PCDHGB4: variants seen among roughly 807,000 people sequenced by gnomAD.
PCDHGB4 encodes protocadherin gamma subfamily B, 4, also known as protocadherin gamma-B4.
PCDHGB4 carries 38 observed loss-of-function variants against 60.5 expected under a neutral mutation model. The ratio of observed to expected loss-of-function variants is 0.63; its 90% CI spans 0.48 to 0.82. The LOEUF (loss-of-function observed/expected upper bound fraction) is 0.82, where lower values mean the gene tolerates loss of function less well. Among genes scored for constraint, PCDHGB4 ranks in the 40% least tolerant of loss-of-function variants. The pLI, the probability that PCDHGB4 is intolerant of heterozygous loss-of-function variation, is 0.00. For synonymous variants in PCDHGB4, 456 were observed against 509.7 expected, an observed-to-expected ratio of 0.89 and a Z score of 1.42; for missense variants, 1,109 against 1,209.6, an observed-to-expected ratio of 0.92 and a Z score of 1.23.
chr5:141,483,501 G>T (rs1022338958), intron 1 of PCDHGB4, among the ~76,000 whole-genome samples: 1 of 150,394 alleles, frequency 6.6e-6, no homozygotes, highest in Non-Finnish European at 1.5e-5. Flanking sequence ...ATGAGTCAAG[G>T]CTGATCCCCC....
intron 1 of PCDHGB4, chr5:141,478,644 T>C (rs1217932733): frequency 6.4e-7 from 1 of 1,552,238 alleles, no homozygotes. Flanking sequence ...GATGAAGATG[T>C]TTTCCTGGTG....
intron 1 of PCDHGB4, among the ~76,000 whole-genome samples, chr5:141,492,170 C>A (rs1383768075): frequency 6.6e-6 from 1 of 152,226 alleles, no homozygotes; most frequent in Non-Finnish European, 1.5e-5. Context: ...ATCCCCGCAT[C>A]ACCCAACCGC....
chr5:141,403,049 T>C (rs368917303), intron 1 of PCDHGB4: 2 of 1,613,938 alleles, frequency 1.2e-6, no homozygotes, highest in Non-Finnish European at 1.7e-6. Flanking sequence ...TCAGATTCGC[T>C]ACTCAGTGCC....
chr5:141,458,702 T>G (rs1333580253), intron 1 of PCDHGB4, among the ~76,000 whole-genome samples: 1 of 152,102 alleles, frequency 6.6e-6, no homozygotes, highest in East Asian at 1.9e-4. Context: ...CCCGAGTAGC[T>G]GGGATTACAG....
At chr5:141,410,849 C>CTTTTTCT (rs2095432763) in intron 1 of PCDHGB4, 1 of 129,786 alleles carries the variant, frequency 7.7e-6, no homozygotes, top group Non-Finnish European at 1.3e-5. Flanking sequence ...TTGTCTTTGT[C>CTTTTTCT]TTTTTTTTTT....
At position 141,389,833 on chromosome 5, in the gene PCDHGB4, C is replaced by T. The variant is rs1561628239; in HGVS notation, c.1949C>T (p.Pro650Leu). 6.2e-7 allele frequency: 1 copy of T among 1,613,996 alleles called. No homozygotes were observed. The highest frequency in any genetic ancestry group is 2.2e-5 in the East Asian group (1 of 44,876). Residue 650 changes from proline (P) to leucine (L), a missense_variant, in exon 1 of 4, where the codon CCA (proline) becomes CTA (leucine). By Grantham distance (98) the Pro-to-Leu change is moderately conservative (BLOSUM62 -3). Around this residue, in one of 2 missense-constraint regions of PCDHGB4, gnomAD observed 1,068 missense variants for 1,089.9 expected, o/e 0.98. Coordinates refer to ENST00000519479, the MANE Select transcript of PCDHGB4 (RefSeq NM_003736.4). ...LLVAVRDGGQPPLSATATLHL... is the reference protein window; with the variant it reads ...LLVAVRDGGQLPLSATATLHL... ...GTCGCCGTGCGTGACGGTGGACAGC[C>T]ACCACTCTCGGCCACTGCCACGTTG... is the stretch of plus-strand genomic sequence containing the variant.
chr5:141,475,928 G>A, intron 1 of PCDHGB4: 1 of 630,590 alleles, frequency 1.6e-6, no homozygotes, highest in Non-Finnish European at 2.7e-6. Context: ...TGGAGATCGG[G>A]CCCCTGCCCG....
rs1182148013 is a variant in PCDHGB4 at position 141,431,510 on chromosome 5, G to A, written c.2397+41229G>A. 2 of 1,613,904 alleles carry A rather than the reference G, an allele frequency of 1.2e-6. No individual in the cohort carries two copies. Among genetic ancestry groups the A allele is most frequent in the Admixed American group, 1.7e-5 (1 of 60,016 alleles). Reference sequence around the variant, plus strand: ...TGCTCAGCCCGAGTACCGCGCGAGCGTTCCGGAGAATCTGGCCTTGGGCAC... The same window carrying A: ...TGCTCAGCCCGAGTACCGCGCGAGCATTCCGGAGAATCTGGCCTTGGGCAC... On this transcript the variant is annotated intron_variant, in intron 1 of 3. Coordinates refer to ENST00000519479, the MANE Select transcript of PCDHGB4 (RefSeq NM_003736.4). The surrounding 1 kb of genome is among the most constrained non-coding windows in gnomAD (Gnocchi z 4.8).
intron 1 of PCDHGB4, among the ~76,000 whole-genome samples, chr5:141,451,830 G>A (rs940668278): frequency 6.6e-5 from 10 of 151,238 alleles, no homozygotes; most frequent in East Asian, 1.9e-4. Flanking sequence ...ACAGTGAGCC[G>A]AGATCACACC....
chr5:141,393,214 A>G, intron 1 of PCDHGB4: 1 of 1,613,636 alleles, frequency 6.2e-7, no homozygotes, highest in East Asian at 2.2e-5. Flanking sequence ...CCAAAATTCC[A>G]GGTCGAAGAT....
chr5:141,414,161 G>A (rs960511656), intron 1 of PCDHGB4: 1 of 1,603,276 alleles, frequency 6.2e-7, no homozygotes, highest in Non-Finnish European at 8.5e-7. Flanking sequence ...GAAGATGGAG[G>A]AGCATATCTT....
At chr5:141,435,306 T>C (rs2154556603) in intron 1 of PCDHGB4, among the ~76,000 whole-genome samples, 1 of 152,358 alleles carries the variant, frequency 6.6e-6, no homozygotes, top group East Asian at 1.9e-4. Flanking sequence ...TGGTTTTAAA[T>C]CATTCATGAA....
chr5:141,433,277 T>G, intron 1 of PCDHGB4: 1 of 1,231,982 alleles, frequency 8.1e-7, no homozygotes. Flanking sequence ...CACTGCAGCC[T>G]CAAACTCCTA....
chr5:141,454,088 T>C (rs2154564493), intron 1 of PCDHGB4, among the ~76,000 whole-genome samples: 1 of 152,342 alleles, frequency 6.6e-6, no homozygotes. Context: ...CAGTGAAATT[T>C]GAATTGAACA....
chr5:141,413,207 C>CA lies in PCDHGB4; in HGVS notation c.2397+22929dup, dbSNP rs753988593. On this transcript the variant is annotated intron_variant, in intron 1 of 3. Transcript: ENST00000519479. The stretch of plus-strand genomic sequence containing the variant: ...GCTCAAAGGAATCGCTCAAAGGAAT[C>CA]AAAGGATTGCAGCGGGCTGGTCCTG... The CA allele has an allele frequency of 1.7e-5, 27 of 1,612,874 alleles. No homozygotes were observed. In the East Asian group the frequency reaches 6.0e-4, roughly 36 times the overall value.
rs775380177 is a variant in PCDHGB4, at chr5:141,422,666, C to T, written c.2397+32385C>T. The T allele has an allele frequency of 3.1e-6, 5 of 1,608,026 alleles. No individual in the cohort carries two copies. In the South Asian group the frequency reaches 3.3e-5, roughly 11 times the overall value. ...ATCTTCTCAGTGACCGCCCTCGACC[C>T]GGACAGCAAACAGAATGCCCTGGTC... On this transcript the variant is annotated intron_variant, in intron 1 of 3. Transcript: ENST00000519479.
In PCDHGB4 at chr5:141,487,747, CTA is replaced by C. The variant is rs2099663990; in HGVS notation, c.2398-7058_2398-7057del. 1 of 1,558,062 alleles carries C rather than the reference CTA, an allele frequency of 6.4e-7. No individual in the cohort carries two copies. The highest frequency in any genetic ancestry group is 2.4e-5 in the East Asian group (1 of 41,708). On this transcript the variant is annotated intron_variant, in intron 1 of 3. Coordinates refer to ENST00000519479, the MANE Select transcript of PCDHGB4 (RefSeq NM_003736.4). This position sits in a 1 kb window ranked among gnomAD's most constrained non-coding sequence, Gnocchi z 5.0. ...ATGTCACCATTTTTGTAAGAGGTAA[CTA>C]TGTGGTAGACGCTGTGCTTTGTAAC... is the stretch of plus-strand genomic sequence containing the variant.
intron 2 of PCDHGB4, among the ~76,000 whole-genome samples, chr5:141,496,352 G>A (rs2099768243): frequency 2.0e-5 from 3 of 152,200 alleles, no homozygotes; most frequent in South Asian, 2.1e-4. Context: ...GAGTCTCAGA[G>A]CCCAGGGAGA....
In PCDHGB4 at chr5:141,491,731, C is replaced by T. The variant is rs1198438920; in HGVS notation, c.2398-3076C>T. ...GGGCTCGGCGCCGCCCCGGGCGACC[C>T]CTGGGGGCGGCACTGGAGAAGCCGC... On this transcript the variant is annotated intron_variant, in intron 1 of 3. Coordinates refer to ENST00000519479, the MANE Select transcript of PCDHGB4 (RefSeq NM_003736.4). The surrounding 1 kb of genome is among the most constrained non-coding windows in gnomAD (Gnocchi z 6.9). 1 of 1,603,678 alleles carries T rather than the reference C, an allele frequency of 6.2e-7. No homozygotes were observed. Among genetic ancestry groups the T allele is most frequent in the Non-Finnish European group, 8.5e-7 (1 of 1,175,748 alleles).
Sources: gnomAD v4.1 joint callset for allele counts (sites outside exome capture counted in the v4.1 genomes callset) on GRCh38, gnomAD v4.1.1 for gene constraint, gnomAD v4.1.1 regional missense constraint, Gnocchi (gnomAD v3.1) non-coding constraint, MANE v1.5 for transcripts, NCBI Gene and HGNC (gene_info 2026-07-23, HGNC 2026-07-21) for gene names.